The following SMYD3 variants were observed in gnomAD, a reference collection of about 807,000 sequenced individuals.
SMYD3 encodes histone-lysine N-methyltransferase SMYD3.
A neutral mutation model predicts 57.7 loss-of-function variants in SMYD3; 36 were observed. The ratio of observed to expected loss-of-function variants is 0.62; its 90% CI spans 0.48 to 0.82. The LOEUF (loss-of-function observed/expected upper bound fraction) is 0.82, where lower values mean the gene tolerates loss of function less well. Ranked by LOEUF, SMYD3 falls within the 40% of genes least tolerant of loss-of-function variation. The pLI is 0.00. For missense variants in SMYD3, 515 were observed against 538.8 expected (o/e 0.96, Z 0.44); for synonymous variants, 211 against 195.0 (o/e 1.08, Z -0.68).
chr1:246,211,912 G>GT (rs963048296), intron 5 of SMYD3, among the ~76,000 whole-genome samples: 12 of 132,442 alleles, frequency 9.1e-5, no homozygotes, highest in Non-Finnish European at 1.3e-4. Context: ...CAAGATTGTG[G>GT]TAAAAAAAAA....
chr1:245,889,529 A>G (rs2053265192), intron 8 of SMYD3, among the ~76,000 whole-genome samples: 1 of 152,168 alleles, frequency 6.6e-6, no homozygotes, highest in African/African-American at 2.4e-5. Context: ...GTGACCTCCA[A>G]CACCTACTGT....
chr1:246,344,946 T>A (rs1236135294), intron 2 of SMYD3, among the ~76,000 whole-genome samples: 1 of 152,116 alleles, frequency 6.6e-6, no homozygotes, highest in Non-Finnish European at 1.5e-5. Flanking sequence ...GGAAACAACT[T>A]CTTGGTTGGG....
chr1:246,362,635 ATT>A (rs1305483369), intron 1 of SMYD3, among the ~76,000 whole-genome samples: 1 of 152,156 alleles, frequency 6.6e-6, no homozygotes, highest in Non-Finnish European at 1.5e-5. Context: ...TGGTTTTCGT[ATT>A]TTTTTGGTGG....
At chr1:245,966,410 C>T (rs1236280921) in intron 5 of SMYD3, among the ~76,000 whole-genome samples, 1 of 152,174 alleles carries the variant, frequency 6.6e-6, no homozygotes, top group Non-Finnish European at 1.5e-5. Context: ...CTCAAGAACT[C>T]CTCCCACCTT....
chr1:246,035,835 T>C (rs889938897), intron 5 of SMYD3, among the ~76,000 whole-genome samples: 3 of 152,230 alleles, frequency 2.0e-5, no homozygotes, highest in Non-Finnish European at 4.4e-5. Context: ...TTTGATCCTC[T>C]GATTGTCCAG....
At chr1:246,338,480 A>T (rs1298512146) in intron 2 of SMYD3, among the ~76,000 whole-genome samples, 1 of 152,210 alleles carries the variant, frequency 6.6e-6, no homozygotes, top group Non-Finnish European at 1.5e-5. Flanking sequence ...TTCTTACATT[A>T]CTTCCAATAC....
intron 5 of SMYD3, among the ~76,000 whole-genome samples, chr1:246,033,522 A>C (rs2059715945): frequency 6.6e-6 from 1 of 152,208 alleles, no homozygotes; most frequent in Admixed American, 6.5e-5. Flanking sequence ...GTGCTGGCTC[A>C]CACCTGTAAT....
intron 5 of SMYD3, among the ~76,000 whole-genome samples, chr1:246,169,760 AG>A (rs2062295255): frequency 6.6e-6 from 1 of 152,034 alleles, no homozygotes; most frequent in South Asian, 2.1e-4. Context: ...AAAAATTAGC[AG>A]GGCATTGTGG....
intron 5 of SMYD3, among the ~76,000 whole-genome samples, chr1:246,265,186 A>T (rs541164336): frequency 6.6e-6 from 1 of 152,168 alleles, no homozygotes. Context: ...ACCAGGCTGG[A>T]GTACCAGGGT....
intron 5 of SMYD3, among the ~76,000 whole-genome samples, chr1:245,969,582 G>A (rs916875179): frequency 3.3e-5 from 5 of 152,168 alleles, no homozygotes; most frequent in African/African-American, 1.2e-4. Context: ...TCCTTCAAAG[G>A]GCAAAGTGGT....
At chr1:245,760,564 A>G (rs1252475789) in intron 11 of SMYD3, among the ~76,000 whole-genome samples, 1 of 152,106 alleles carries the variant, frequency 6.6e-6, no homozygotes, top group Middle Eastern at 3.2e-3. Context: ...CAGCAGGCCC[A>G]GGGGGAGGCT....
In SMYD3 at chr1:245,793,356, C is replaced by T. The variant is rs142458985; in HGVS notation, c.1077-29207G>A. Among the ~76,000 whole-genome samples, 3 of 152,076 alleles carry T rather than the reference C, an allele frequency of 2.0e-5. No homozygotes were observed. The East Asian group carries it at 5.8e-4, about 29-fold the overall frequency. ...TTCCATTTAAAGTTTCACTTGCATA[C>T]TTGCATGTTTTCCCGCTGGCAGACA... is the stretch of plus-strand genomic sequence containing the variant. On this transcript the variant is annotated intron_variant, in intron 10 of 11. Transcript: ENST00000490107.
chr1:246,253,366 C>A (rs562557520), intron 5 of SMYD3, among the ~76,000 whole-genome samples: 1 of 152,128 alleles, frequency 6.6e-6, no homozygotes, highest in Non-Finnish European at 1.5e-5. Flanking sequence ...TGAGAACATG[C>A]GGTATTGGTT....
At chr1:246,014,117 G>A (rs1301237991) in intron 5 of SMYD3, among the ~76,000 whole-genome samples, 1 of 152,218 alleles carries the variant, frequency 6.6e-6, no homozygotes, top group Non-Finnish European at 1.5e-5. Context: ...GAGGTCGGGT[G>A]TTCGAGACCA....
chr1:245,943,916 G>A (rs565701832), intron 5 of SMYD3, among the ~76,000 whole-genome samples: 14 of 152,200 alleles, frequency 9.2e-5, no homozygotes, highest in Non-Finnish European at 1.8e-4. Context: ...TGCAGACAAC[G>A]CCTTTGAGAA....
In SMYD3 at chr1:246,063,887, G is replaced by A. The variant is rs536409852; in HGVS notation, c.532-133950C>T. On this transcript the variant is annotated intron_variant, in intron 5 of 11. Coordinates refer to ENST00000490107, the MANE Select transcript of SMYD3 (RefSeq NM_001167740.2). ...ACTCCTGACTTCAAGTGATCCACCC[G>A]CTTCAACCTCCCAAAGTGCTGGGAT... Among the ~76,000 whole-genome samples, 11 of 152,198 alleles carry A rather than the reference G, an allele frequency of 7.2e-5. No homozygotes were observed. The South Asian group carries it at 8.3e-4, about 11-fold the overall frequency.
At chr1:245,829,646 C>A (rs1290316337) in intron 10 of SMYD3, among the ~76,000 whole-genome samples, 2 of 152,098 alleles carry the variant, frequency 1.3e-5, no homozygotes, top group Admixed American at 6.6e-5. Flanking sequence ...TAGATATACA[C>A]TTGAAAAAAA....
intron 10 of SMYD3, among the ~76,000 whole-genome samples, chr1:245,800,135 T>G (rs2047783724): frequency 6.6e-6 from 1 of 152,164 alleles, no homozygotes; most frequent in Admixed American, 6.5e-5. Context: ...CTAGCTGTTG[T>G]GCAGGTTCTT....
At chr1:245,900,371 T>C (rs1329178411) in intron 8 of SMYD3, among the ~76,000 whole-genome samples, 1 of 152,210 alleles carries the variant, frequency 6.6e-6, no homozygotes, top group East Asian at 1.9e-4. Flanking sequence ...TAGGTAGATA[T>C]CCTTAGGAGG....
Sources: allele counts gnomAD v4.1 joint callset (sites outside exome capture counted in the v4.1 genomes callset), GRCh38; gene constraint gnomAD v4.1.1; transcripts MANE v1.5; gene names NCBI Gene and HGNC (gene_info 2026-07-23, HGNC 2026-07-21).